Variants in GRID2 observed in about 807,000 individuals in gnomAD.
GRID2 encodes the protein glutamate ionotropic receptor delta type subunit 2.
GRID2 carries 33 observed loss-of-function variants against 114.8 expected under a neutral mutation model. The ratio of observed to expected loss-of-function variants is 0.29; its 90% CI spans 0.22 to 0.38. The LOEUF is 0.38. GRID2 is among the 10% of genes least tolerant of loss of function. The probability of loss-of-function intolerance (pLI) is 1.00; values close to 1 mark genes in which losing one functional copy is unlikely to be tolerated. For missense variants in GRID2, 1,184 were observed against 1,257.7 expected (o/e 0.94, Z 0.89); for synonymous variants, 505 against 449.9 (o/e 1.12, Z -1.55).
intron 11 of GRID2, among the ~76,000 whole-genome samples, chr4:93,461,048 G>GAA (rs1723696137): frequency 6.6e-6 from 1 of 152,078 alleles, no homozygotes; most frequent in African/African-American, 2.4e-5. Context: ...TACCCATATG[G>GAA]TTAGCATGCT....
chr4:93,563,581 G>C (rs1178496849), intron 13 of GRID2, among the ~76,000 whole-genome samples: 1 of 151,914 alleles, frequency 6.6e-6, no homozygotes, highest in Non-Finnish European at 1.5e-5. Context: ...GATTGTATTA[G>C]AGTTCCAAGA....
At chr4:93,744,608 C>A (rs1243642825) in intron 14 of GRID2, among the ~76,000 whole-genome samples, 1 of 152,150 alleles carries the variant, frequency 6.6e-6, no homozygotes, top group Non-Finnish European at 1.5e-5. Context: ...AAAGTGGTTT[C>A]TTGAGATAGA....
intron 2 of GRID2, among the ~76,000 whole-genome samples, chr4:93,012,577 G>T (rs1297039899): frequency 1.3e-5 from 2 of 151,964 alleles, no homozygotes; most frequent in Non-Finnish European, 2.9e-5. Flanking sequence ...GGACTCTGGA[G>T]TTGTCCCTTG....
intron 2 of GRID2, among the ~76,000 whole-genome samples, chr4:92,826,896 G>A (rs1023989749): frequency 1.3e-5 from 2 of 151,986 alleles, no homozygotes; most frequent in African/African-American, 4.8e-5. Context: ...TTATATCCAA[G>A]TGTTCTCATG....
At chr4:92,395,691 A>C in intron 1 of GRID2, among the ~76,000 whole-genome samples, 1 of 151,856 alleles carries the variant, frequency 6.6e-6, no homozygotes, top group African/African-American at 2.4e-5. Context: ...AACTCTAGTT[A>C]TAATATAATA....
intron 3 of GRID2, among the ~76,000 whole-genome samples, chr4:93,108,817 G>C (rs1732499365): frequency 6.6e-6 from 1 of 151,952 alleles, no homozygotes; most frequent in Non-Finnish European, 1.5e-5. Flanking sequence ...TTTTAGTAGA[G>C]ATGGGGTTTC....
At chr4:93,549,701 G>A (rs1232409141) in intron 13 of GRID2, among the ~76,000 whole-genome samples, 2 of 152,122 alleles carry the variant, frequency 1.3e-5, no homozygotes, top group African/African-American at 4.8e-5. Flanking sequence ...ACACTGGATT[G>A]TTGAAGTTCT....
intron 2 of GRID2, among the ~76,000 whole-genome samples, chr4:92,704,743 C>CTT (rs1734872389): frequency 1.4e-5 from 2 of 144,556 alleles, no homozygotes; most frequent in South Asian, 2.1e-4. Flanking sequence ...CTCTCTCTCT[C>CTT]TCCCTCCCTC....
chr4:93,402,985 T>C (rs1476798957), intron 9 of GRID2, among the ~76,000 whole-genome samples: 1 of 152,134 alleles, frequency 6.6e-6, no homozygotes, highest in Non-Finnish European at 1.5e-5. Flanking sequence ...GTCCCAGCGT[T>C]TGAGCCTCTT....
At chr4:93,578,662 T>C (rs1736670228) in intron 13 of GRID2, among the ~76,000 whole-genome samples, 1 of 147,426 alleles carries the variant, frequency 6.8e-6, no homozygotes, top group Non-Finnish European at 1.5e-5. Context: ...GGCTCGATCT[T>C]GGGTCACTGC....
At chr4:93,162,328 AAATTAGTTAC>A (rs1737767360) in intron 4 of GRID2, among the ~76,000 whole-genome samples, 1 of 151,982 alleles carries the variant, frequency 6.6e-6, no homozygotes, top group South Asian at 2.1e-4. Context: ...ACGCTGAATT[AAATTAGTTAC>A]AATTTTCATG....
intron 8 of GRID2, among the ~76,000 whole-genome samples, chr4:93,296,293 TC>T (rs1237053238): frequency 6.7e-6 from 1 of 149,204 alleles, no homozygotes; most frequent in Non-Finnish European, 1.5e-5. Context: ...GATTTACGGA[TC>T]CCCCCCTCCC....
At chr4:93,605,121 G>A (rs1176568823) in intron 13 of GRID2, among the ~76,000 whole-genome samples, 4 of 151,922 alleles carry the variant, frequency 2.6e-5, no homozygotes, top group Non-Finnish European at 5.9e-5. Context: ...AGTTCTGGGG[G>A]GCAAAAATCA....
At chr4:92,547,465 A>G (rs1255594680) in intron 1 of GRID2, among the ~76,000 whole-genome samples, 2 of 152,204 alleles carry the variant, frequency 1.3e-5, no homozygotes, top group African/African-American at 4.8e-5. Context: ...TGAGATTTGA[A>G]TGCTTTAGAG....
At chr4:93,597,377 C>T (rs72889153) in intron 13 of GRID2, among the ~76,000 whole-genome samples, 5,901 of 152,198 alleles carry the variant, frequency 0.039, 387 homozygotes, top group African/African-American at 0.13. Flanking sequence ...AGCTCCGAAA[C>T]ATCATGATGA....
At chr4:93,138,118 G>A (rs1284270666) in intron 4 of GRID2, among the ~76,000 whole-genome samples, 3 of 151,890 alleles carry the variant, frequency 2.0e-5, no homozygotes, top group African/African-American at 7.2e-5. Flanking sequence ...GGCTACAGGT[G>A]TATATCATCA....
chr4:92,304,089 CT>C lies in GRID2; in HGVS notation c.-562del, dbSNP rs569956895. 578 of 157,392 alleles carry C rather than the reference CT, an allele frequency of 3.7e-3. 4 individuals are homozygous for C. The highest frequency in any genetic ancestry group is 0.013 in the African/African-American group (532 of 41,602). The allele number at this position is 157,392 out of a possible 1,614,324, so 9.7% of individuals were successfully genotyped here. A position where few individuals can be genotyped will look rare whatever the true frequency, so the allele number is the denominator to read the frequency against. On this transcript the variant is annotated 5_prime_UTR_variant, in exon 1 of 16. Transcript: ENST00000282020. Reference sequence around the variant, plus strand: ...CTTTTTCTACCCCTCTTGGAGAGGGCTTTTTTCCCCCCTCCCTGGTGGAATC... The same window carrying C: ...CTTTTTCTACCCCTCTTGGAGAGGGCTTTTTCCCCCCTCCCTGGTGGAATC...
intron 13 of GRID2, among the ~76,000 whole-genome samples, chr4:93,549,316 T>G (rs1387588481): frequency 1.3e-5 from 2 of 152,110 alleles, no homozygotes; most frequent in Non-Finnish European, 2.9e-5. Context: ...TTTGATAAAA[T>G]TAGTATATGA....
chr4:92,639,986 C>T (rs1281265446), intron 2 of GRID2, among the ~76,000 whole-genome samples: 1 of 151,702 alleles, frequency 6.6e-6, no homozygotes, highest in Non-Finnish European at 1.5e-5. Context: ...CTAACACAGA[C>T]ACTTCGGCTG....
Sources: allele counts gnomAD v4.1 joint callset (sites outside exome capture counted in the v4.1 genomes callset), GRCh38; gene constraint gnomAD v4.1.1; transcripts MANE v1.5; gene names NCBI Gene and HGNC (gene_info 2026-07-23, HGNC 2026-07-21).